LPP: variants seen among roughly 807,000 people sequenced by gnomAD.
The protein encoded by LPP is lipoma-preferred partner.
LPP carries 38 observed loss-of-function variants against 60.4 expected under a neutral mutation model. The observed-to-expected ratio is 0.63, with a 90% CI of 0.49 to 0.83. The LOEUF (loss-of-function observed/expected upper bound fraction) is 0.83. Ranked by LOEUF, LPP falls within the 40% of genes least tolerant of loss-of-function variation. The probability of loss-of-function intolerance (pLI) is 0.00; values close to 1 mark genes in which losing one functional copy is unlikely to be tolerated. For missense variants in LPP, 902 were observed against 783.6 expected (o/e 1.15, Z -1.80); for synonymous variants, 328 against 290.8 (o/e 1.13, Z -1.30).
intron 9 of LPP, among the ~76,000 whole-genome samples, chr3:188,794,739 T>C (rs1744821634): frequency 6.6e-6 from 1 of 152,090 alleles, no homozygotes; most frequent in Non-Finnish European, 1.5e-5. Flanking sequence ...GTTTTTTTTT[T>C]CTTTATTGGA....
At chr3:188,834,962 A>T (rs907650304) in intron 9 of LPP, among the ~76,000 whole-genome samples, 3 of 152,190 alleles carry the variant, frequency 2.0e-5, no homozygotes, top group African/African-American at 7.2e-5. Context: ...CTGATCTCTG[A>T]GAGAGGAACG....
chr3:188,627,311 T>C (rs1302212141), intron 7 of LPP, among the ~76,000 whole-genome samples: 2 of 152,224 alleles, frequency 1.3e-5, no homozygotes, highest in African/African-American at 4.8e-5. Context: ...ATCTTGAATT[T>C]ATGTGGGCTA....
chr3:188,870,561 G>C lies in LPP; in HGVS notation c.1590-2082G>C, dbSNP rs145475550. The stretch of plus-strand genomic sequence containing the variant: ...GATAAAAATACTTCCTCATAATGTT[G>C]CTGTCAGTAGAAAATTACGTCAAGT... On this transcript the variant is annotated intron_variant, in intron 10 of 11. Coordinates refer to ENST00000617246, the MANE Select transcript of LPP (RefSeq NM_001375462.1). Among the ~76,000 whole-genome samples, 6 of 152,326 alleles carry C rather than the reference G, an allele frequency of 3.9e-5. No individual in the cohort carries two copies. In the East Asian group the frequency reaches 1.2e-3, roughly 29 times the overall value.
chr3:188,842,050 C>A (rs548853992), intron 9 of LPP, among the ~76,000 whole-genome samples: 9 of 152,116 alleles, frequency 5.9e-5, no homozygotes, highest in Admixed American at 3.9e-4. Context: ...TTCTCTTGCC[C>A]GATTGCACTG....
chr3:188,679,519 CTGTGTGTGTGTG>C lies in LPP; in HGVS notation c.1114-28715_1114-28704del, dbSNP rs56733573. Among the ~76,000 whole-genome samples, 402 of 143,170 alleles carry C rather than the reference CTGTGTGTGTGTG, an allele frequency of 2.8e-3. 3 individuals carry two copies. The highest frequency in any genetic ancestry group is 0.013 in the East Asian group (61 of 4,752). The allele number at this position is 143,170 out of a possible 152,430, so 93.9% of individuals were successfully genotyped here. ...TTAGTTTGCCAAAACTTTGAATACT[CTGTGTGTGTGTG>C]TGTGTGTGTGTGTGTGTGTGTGTGT... On this transcript the variant is annotated intron_variant, in intron 7 of 11. Coordinates refer to ENST00000617246, the MANE Select transcript of LPP (RefSeq NM_001375462.1).
chr3:188,349,588 T>C (rs781725076), intron 3 of LPP, among the ~76,000 whole-genome samples: 1 of 152,262 alleles, frequency 6.6e-6, no homozygotes, highest in Non-Finnish European at 1.5e-5. Context: ...CAGACATTAC[T>C]GGCTGAGTAT....
intron 8 of LPP, among the ~76,000 whole-genome samples, chr3:188,714,914 A>G (rs1197218085): frequency 6.6e-6 from 1 of 152,184 alleles, no homozygotes; most frequent in Non-Finnish European, 1.5e-5. Context: ...AACATAGTAG[A>G]AAGTTGGGGG....
intron 7 of LPP, among the ~76,000 whole-genome samples, chr3:188,632,391 C>T (rs933954853): frequency 3.9e-5 from 6 of 152,034 alleles, no homozygotes; most frequent in African/African-American, 1.4e-4. Context: ...TAGGATAGGG[C>T]CTGGGTGGGG....
intron 4 of LPP, among the ~76,000 whole-genome samples, chr3:188,455,037 G>A (rs745984089): frequency 4.6e-5 from 7 of 152,170 alleles, no homozygotes; most frequent in Non-Finnish European, 1.0e-4. Context: ...GACATACATT[G>A]TTAATATGTG....
intron 8 of LPP, among the ~76,000 whole-genome samples, chr3:188,715,245 G>T (rs1430159681): frequency 6.6e-6 from 1 of 151,858 alleles, no homozygotes; most frequent in Non-Finnish European, 1.5e-5. Context: ...GGGCATGGTG[G>T]CACGCACCTG....
chr3:188,796,242 A>G (rs1208023084), intron 9 of LPP, among the ~76,000 whole-genome samples: 2 of 152,180 alleles, frequency 1.3e-5, no homozygotes, highest in Non-Finnish European at 2.9e-5. Flanking sequence ...GAGTTTAGAC[A>G]TCTCCAGACA....
chr3:188,242,293 C>A (rs1216117788), intron 2 of LPP, among the ~76,000 whole-genome samples: 1 of 151,984 alleles, frequency 6.6e-6, no homozygotes, highest in Admixed American at 6.5e-5. Flanking sequence ...GCTTTTTATC[C>A]TCTCCATCCT....
At chr3:188,166,020 T>A (rs1048537071) in intron 1 of LPP, among the ~76,000 whole-genome samples, 7 of 152,170 alleles carry the variant, frequency 4.6e-5, no homozygotes, top group Non-Finnish European at 1.0e-4. Context: ...CTGAATGAGA[T>A]GAGATGGCTC....
chr3:188,856,946 T>C (rs1206297920), intron 9 of LPP, among the ~76,000 whole-genome samples: 1 of 152,198 alleles, frequency 6.6e-6, no homozygotes, highest in Non-Finnish European at 1.5e-5. Flanking sequence ...CAATTTTTCA[T>C]TGGCTATGTA....
intron 5 of LPP, among the ~76,000 whole-genome samples, chr3:188,500,095 A>AC (rs1553914773): frequency 6.6e-6 from 1 of 150,568 alleles, no homozygotes; most frequent in Non-Finnish European, 1.5e-5. Context: ...TGACACCTTT[A>AC]TTTTTTTTTC....
chr3:188,216,344 C>T (rs1713612193), intron 1 of LPP, among the ~76,000 whole-genome samples: 1 of 148,190 alleles, frequency 6.7e-6, no homozygotes, highest in Non-Finnish European at 1.5e-5. Context: ...GATCTTGGCT[C>T]ACTGCAACCT....
At chr3:188,731,593 G>A (rs1720629098) in intron 8 of LPP, among the ~76,000 whole-genome samples, 1 of 143,708 alleles carries the variant, frequency 7.0e-6, no homozygotes, top group South Asian at 2.1e-4. Flanking sequence ...TGCGATCTCG[G>A]CTCACTGCAA....
Position 188,886,193 on chromosome 3 carries a change from C to G in LPP, c.*11714C>G, listed in dbSNP as rs1247413687. The G allele has an allele frequency of 6.6e-6, 1 of 151,886 alleles. No individual in the cohort carries two copies. The highest frequency in any genetic ancestry group is 1.5e-5 in the Non-Finnish European group (1 of 68,286). The allele number at this position is 151,886 out of a possible 1,614,324, so 9.4% of individuals were successfully genotyped here. On this transcript the variant is annotated 3_prime_UTR_variant, in exon 12 of 12. Transcript: ENST00000617246. ...GGAGGGATAGCATTAGGAGATATAC[C>G]TAATGCTAAATGACGAGTTAATGGG... is the stretch of plus-strand genomic sequence containing the variant.
chr3:188,363,356 G>T (rs897929416), intron 3 of LPP, among the ~76,000 whole-genome samples: 12 of 152,206 alleles, frequency 7.9e-5, no homozygotes, highest in African/African-American at 2.7e-4. Flanking sequence ...CAAAATAACA[G>T]TACAACTAGA....
Sources: gnomAD v4.1 joint callset for allele counts (sites outside exome capture counted in the v4.1 genomes callset) on GRCh38, gnomAD v4.1.1 for gene constraint, MANE v1.5 for transcripts, NCBI Gene and HGNC (gene_info 2026-07-23, HGNC 2026-07-21) for gene names.